The following CEP162 variants were observed in gnomAD, a reference collection of about 807,000 sequenced individuals.
CEP162 encodes centrosomal protein of 162 kDa.
In CEP162, 141 loss-of-function variants were observed where a neutral mutation model predicts 169.2. The observed-to-expected ratio is 0.83, with a 90% confidence interval of 0.73 to 0.96. The LOEUF is 0.96. Among genes scored for constraint, CEP162 ranks in the 40% least tolerant of loss-of-function variants. The probability of loss-of-function intolerance (pLI) is 0.00; values close to 1 mark genes in which losing one functional copy is unlikely to be tolerated. For missense variants in CEP162, 1,600 were observed against 1,587.2 expected (o/e 1.01, Z -0.14); for synonymous variants, 540 against 526.4 (o/e 1.03, Z -0.35).
In CEP162 at chr6:84,215,369, T is replaced by C. The variant is rs1389419143; in HGVS notation, c.416A>G (p.Glu139Gly). Residue 139 changes from glutamate (E) to glycine (G), a missense_variant, in exon 5 of 27, where the codon GAG becomes GGG. Coordinates refer to ENST00000403245, the MANE Select transcript of CEP162 (RefSeq NM_014895.4). ...EEKEQFFARL[E>G]KGLTSSIDYS... is the part of the protein sequence containing the mutation. The stretch of plus-strand genomic sequence containing the variant: ...ATCAATGGAAGATGTCAAGCCTTTC[T>C]CAAGCCTGGCAAAAAATTGTTCTTT... The C allele has an allele frequency of 6.2e-7, 1 of 1,607,250 alleles. No individual in the cohort carries two copies. The highest frequency in any genetic ancestry group is 2.2e-5 in the East Asian group (1 of 44,694).
Position 84,129,993 on chromosome 6 carries a change from T to C in CEP162, c.3871-3481A>G, listed in dbSNP as rs1045740186. Among the ~76,000 whole-genome samples, 115 of 152,310 alleles carry C rather than the reference T, an allele frequency of 7.6e-4. 2 individuals carry two copies. Among genetic ancestry groups the C allele is most frequent in the African/African-American group, 2.6e-3 (110 of 41,574 alleles). ...TTTGCCCATTCAGCATGATATTGGC[T>C]GTGGGTTTGTCATAAATAGCTATTA... On this transcript the variant is annotated intron_variant, in intron 25 of 26. Coordinates refer to ENST00000403245, the MANE Select transcript of CEP162 (RefSeq NM_014895.4).
chr6:84,212,013 G>A (rs1038282237), intron 6 of CEP162, among the ~76,000 whole-genome samples: 2 of 150,298 alleles, frequency 1.3e-5, no homozygotes, highest in African/African-American at 2.5e-5. Flanking sequence ...AAAGACAATA[G>A]AATAAAATCA....
intron 2 of CEP162, among the ~76,000 whole-genome samples, chr6:84,223,645 A>G (rs1379502517): frequency 6.6e-6 from 1 of 152,012 alleles, no homozygotes; most frequent in Non-Finnish European, 1.5e-5. Context: ...GGTGGCTCAC[A>G]CCTGTAATCC....
chr6:84,157,245 T>C (rs2099523577), intron 21 of CEP162, among the ~76,000 whole-genome samples: 1 of 152,238 alleles, frequency 6.6e-6, no homozygotes, highest in Non-Finnish European at 1.5e-5. Flanking sequence ...TGTCTCCAGA[T>C]TGAATCGAAT....
intron 25 of CEP162, among the ~76,000 whole-genome samples, chr6:84,139,363 G>A (rs1013050021): frequency 6.6e-6 from 1 of 152,168 alleles, no homozygotes; most frequent in Non-Finnish European, 1.5e-5. Flanking sequence ...GTAAACCAGA[G>A]TTCTAAGCCA....
intron 9 of CEP162, 82 bp from the exon 10 acceptor site, chr6:84,195,157 C>A: frequency 8.8e-7 from 1 of 1,130,184 alleles, no homozygotes. Flanking sequence ...ATTCCTTAAC[C>A]TGTTAGGAAT....
intron 16 of CEP162, among the ~76,000 whole-genome samples, chr6:84,172,022 G>A (rs1381485794): frequency 3.3e-5 from 5 of 152,142 alleles, no homozygotes; most frequent in African/African-American, 1.2e-4. Context: ...GAGAGTGGCT[G>A]AAGGAATCAC....
intron 18 of CEP162, among the ~76,000 whole-genome samples, chr6:84,168,304 C>T (rs1230398530): frequency 6.6e-6 from 1 of 152,110 alleles, no homozygotes; most frequent in South Asian, 2.1e-4. Context: ...TACCTATCTG[C>T]CTTCCTACAT....
chr6:84,175,578 C>T (rs571121138), intron 13 of CEP162, among the ~76,000 whole-genome samples: 3 of 152,246 alleles, frequency 2.0e-5, no homozygotes, highest in Non-Finnish European at 4.4e-5. Context: ...CCAATTAACC[C>T]AAGACTCATG....
Position 84,215,439 on chromosome 6 carries a change from T to C in CEP162, c.346A>G (p.Ser116Gly). ...NELVVSELNH[S>G]SLGVGLDTLE... ...GTGTCCAATCCCACTCCGAGACTAC[T>C]ATGGTTGAGCTCAGAAACTACTAGT... The change falls in exon 5 of 27, where the codon AGT becomes GGT. Residue 116 changes from serine (S) to glycine (G), a missense_variant. Physicochemically the swap from Ser to Gly is moderately conservative, Grantham distance 56. Coordinates refer to ENST00000403245, the MANE Select transcript of CEP162 (RefSeq NM_014895.4). 6.2e-7 allele frequency: 1 copy of C among 1,601,818 alleles called. No individual in the cohort carries two copies. Among genetic ancestry groups the C allele is most frequent in the South Asian group, 1.1e-5 (1 of 87,712 alleles).
chr6:84,156,024 AATAGACAC>A (rs1185916946), intron 21 of CEP162, among the ~76,000 whole-genome samples: 1 of 152,138 alleles, frequency 6.6e-6, no homozygotes, highest in African/African-American at 2.4e-5. Context: ...TACTGATAAA[AATAGACAC>A]ATAGATCAAT....
At chr6:84,210,040 G>A (rs772747578) in intron 6 of CEP162, among the ~76,000 whole-genome samples, 1 of 152,082 alleles carries the variant, frequency 6.6e-6, no homozygotes, top group Non-Finnish European at 1.5e-5. Context: ...AATTTGAGAG[G>A]GTGATTCTTA....
chr6:84,169,186 TCTCC>T (rs1231660774), intron 18 of CEP162, 138 bp downstream of exon 18: 1 of 579,346 alleles, frequency 1.7e-6, no homozygotes, highest in Non-Finnish European at 3.0e-6. Flanking sequence ...TTAAGATATT[TCTCC>T]CTAAGTTTTA....
intron 13 of CEP162, among the ~76,000 whole-genome samples, chr6:84,182,386 A>G (rs927208466): frequency 6.6e-6 from 1 of 152,150 alleles, no homozygotes; most frequent in Admixed American, 6.6e-5. Flanking sequence ...AAAAATACTT[A>G]GTCTAAAAAT....
At chr6:84,137,670 T>C (rs993426741) in intron 25 of CEP162, among the ~76,000 whole-genome samples, 1 of 152,176 alleles carries the variant, frequency 6.6e-6, no homozygotes, top group Non-Finnish European at 1.5e-5. Context: ...TAAAGATTCA[T>C]GTCTTTTCTC....
rs920832083 is a variant in CEP162 at position 84,124,368 on chromosome 6, T to G, written c.*702A>C. On this transcript the variant is annotated 3_prime_UTR_variant, in exon 27 of 27. Transcript: ENST00000403245. ...AACGTGAGATATATATAGAGAGAGA[T>G]ATATAAATGGAGTATTATGCAACTA... is the stretch of plus-strand genomic sequence containing the variant. The G allele has an allele frequency of 2.0e-5, 3 of 150,782 alleles. No homozygotes were observed. Among genetic ancestry groups the G allele is most frequent in the South Asian group, 2.1e-4 (1 of 4,730 alleles). The allele number at this position is 150,782 out of a possible 1,614,324, so 9.3% of individuals were successfully genotyped here. A position where few individuals can be genotyped will look rare whatever the true frequency, so the allele number is the denominator to read the frequency against.
intron 12 of CEP162, among the ~76,000 whole-genome samples, chr6:84,186,108 A>G (rs1011781399): frequency 3.3e-5 from 5 of 152,174 alleles, no homozygotes; most frequent in Admixed American, 2.0e-4. Context: ...AAATGTATAA[A>G]GAATGGCTTC....
intron 22 of CEP162, among the ~76,000 whole-genome samples, chr6:84,153,616 G>C (rs1216297911): frequency 6.6e-6 from 1 of 152,138 alleles, no homozygotes; most frequent in Non-Finnish European, 1.5e-5. Flanking sequence ...CTTTCATAGA[G>C]AGTAAAATGG....
At chr6:84,130,177 T>C (rs2099510722) in intron 25 of CEP162, among the ~76,000 whole-genome samples, 1 of 152,192 alleles carries the variant, frequency 6.6e-6, no homozygotes, top group Admixed American at 6.5e-5. Flanking sequence ...TTGCGTATGG[T>C]GAACCAGACT....
Sources: gnomAD v4.1 joint callset for allele counts (sites outside exome capture counted in the v4.1 genomes callset) on GRCh38, gnomAD v4.1.1 for gene constraint, MANE v1.5 for transcripts, NCBI Gene and HGNC (gene_info 2026-07-23, HGNC 2026-07-21) for gene names.